ANKRD12: variants seen among roughly 807,000 people sequenced by gnomAD.
The protein encoded by ANKRD12 is ankyrin repeat domain-containing protein 12.
In ANKRD12, 85 loss-of-function variants were observed where a neutral mutation model predicts 183.4. The observed-to-expected ratio is 0.46, with a 90% CI of 0.39 to 0.56. The LOEUF is 0.56. ANKRD12 is among the 20% of genes least tolerant of loss of function. The pLI is 0.00. For missense variants in ANKRD12, 2,405 were observed against 2,357.1 expected, an observed-to-expected ratio of 1.02 and a Z score of -0.42; for synonymous variants, 914 against 800.2, an observed-to-expected ratio of 1.14 and a Z score of -2.40.
intron 5 of ANKRD12, 52 bp downstream of exon 5, chr18:9,208,855 A>G (rs746584558): frequency 3.5e-6 from 5 of 1,422,196 alleles, no homozygotes; most frequent in South Asian, 1.7e-5. Context: ...TCCTCAGGCA[A>G]CTGTAGTCTC....
intron 1 of ANKRD12, among the ~76,000 whole-genome samples, chr18:9,148,327 C>T (rs1022062741): frequency 6.6e-6 from 1 of 151,034 alleles, no homozygotes; most frequent in Admixed American, 6.6e-5. Context: ...TATATATACA[C>T]ACACACGTAT....
intron 1 of ANKRD12, chr18:9,137,240 C>G (rs1429713916): frequency 6.7e-6 from 1 of 148,492 alleles, no homozygotes; most frequent in African/African-American, 2.4e-5. Context: ...GCCGCCCCTC[C>G]CGGCGTCGCG....
At chr18:9,188,229 A>G (rs186372357) in intron 2 of ANKRD12, among the ~76,000 whole-genome samples, 89 of 152,292 alleles carry the variant, frequency 5.8e-4, no homozygotes, top group African/African-American at 1.7e-3. Context: ...GCAGATGACA[A>G]CTGCATATGC....
At position 9,285,419 on chromosome 18, in the gene ANKRD12, T is replaced by A. The variant is rs1369077969; in HGVS notation, c.*4293T>A. The stretch of plus-strand genomic sequence containing the variant: ...CCAGCCTGGGCAACAAGAGTGAAAC[T>A]CTGTCTCCAAAAAAAAAAAAAAAAA... On this transcript the variant is annotated 3_prime_UTR_variant, in exon 13 of 13. Transcript: ENST00000262126. The A allele has an allele frequency of 7.8e-6, 1 of 127,590 alleles. No individual in the cohort carries two copies. The highest frequency in any genetic ancestry group is 1.6e-5 in the Non-Finnish European group (1 of 62,722). The allele number at this position is 127,590 out of a possible 1,614,324, so 7.9% of individuals were successfully genotyped here.
chr18:9,241,448 A>AC (rs1272702212), intron 8 of ANKRD12, among the ~76,000 whole-genome samples: 2 of 152,138 alleles, frequency 1.3e-5, no homozygotes, highest in Non-Finnish European at 2.9e-5. Context: ...CCATTAGTAA[A>AC]CCAAGAACCT....
chr18:9,229,798 C>T (rs1424257797), intron 8 of ANKRD12, among the ~76,000 whole-genome samples: 1 of 152,168 alleles, frequency 6.6e-6, no homozygotes, highest in Non-Finnish European at 1.5e-5. Flanking sequence ...TTGAACCATG[C>T]TTGCATCCCT....
intron 1 of ANKRD12, chr18:9,137,522 C>G (rs1386050888): frequency 1.4e-5 from 2 of 148,024 alleles, no homozygotes; most frequent in Admixed American, 6.7e-5. Flanking sequence ...GCGTTCCCGC[C>G]GCCAGCCGCC....
intron 8 of ANKRD12, among the ~76,000 whole-genome samples, chr18:9,242,395 C>A (rs1305618026): frequency 1.3e-5 from 2 of 151,868 alleles, no homozygotes; most frequent in Admixed American, 6.6e-5. Flanking sequence ...CTAAAACTCT[C>A]CATAAAGGGT....
chr18:9,213,289 G>A (rs182648258), intron 6 of ANKRD12, among the ~76,000 whole-genome samples: 2 of 152,032 alleles, frequency 1.3e-5, no homozygotes, highest in African/African-American at 4.8e-5. Context: ...ACCTTAAAGA[G>A]TGAGACTTAA....
Position 9,182,366 on chromosome 18 carries a change from T to C in ANKRD12, c.-51-16T>C. On this transcript the variant is annotated splice_polypyrimidine_tract_variant and intron_variant, in intron 1 of 12. Coordinates refer to ENST00000262126, the MANE Select transcript of ANKRD12 (RefSeq NM_015208.5). ...TATATATATTCAAATAACCCTTATA[T>C]ATCTATTCTTTACAGATCCAGGATG... 1 of 1,018,318 alleles carries C rather than the reference T, an allele frequency of 9.8e-7. No homozygotes were observed. Among genetic ancestry groups the C allele is most frequent in the Non-Finnish European group, 1.5e-6 (1 of 682,962 alleles). The allele number at this position is 1,018,318 out of a possible 1,614,324, so 63.1% of individuals were successfully genotyped here.
At chr18:9,153,939 T>C (rs1262952759) in intron 1 of ANKRD12, among the ~76,000 whole-genome samples, 2 of 152,298 alleles carry the variant, frequency 1.3e-5, no homozygotes, top group East Asian at 1.9e-4. Context: ...GTATTGGTTC[T>C]TTTTTGTAAC....
chr18:9,151,794 A>G (rs2078694260), intron 1 of ANKRD12, among the ~76,000 whole-genome samples: 1 of 152,190 alleles, frequency 6.6e-6, no homozygotes, highest in African/African-American at 2.4e-5. Context: ...CTTTCTCTAG[A>G]TAGAATACAA....
At chr18:9,203,489 G>A (rs1404506770) in intron 3 of ANKRD12, among the ~76,000 whole-genome samples, 1 of 152,084 alleles carries the variant, frequency 6.6e-6, no homozygotes, top group Non-Finnish European at 1.5e-5. Context: ...ATATTTATAA[G>A]TAAAAATGTC....
chr18:9,279,438 A>G (rs1362065110), intron 11 of ANKRD12, 111 bp from the exon 12 acceptor site: 2 of 670,636 alleles, frequency 3.0e-6, no homozygotes, highest in East Asian at 3.0e-5. Context: ...ATTTCTCAAA[A>G]TATATTTTCA....
In ANKRD12 at chr18:9,254,487, A is replaced by G; in HGVS notation, c.1220A>G (p.Tyr407Cys). 2 of 1,547,496 alleles carry G rather than the reference A, an allele frequency of 1.3e-6. No homozygotes were observed. The highest frequency in any genetic ancestry group is 1.7e-6 in the Non-Finnish European group (2 of 1,153,696). ...TTTGCAAAACAGGAGAAAGCCTTCT[A>G]TCCTAAATCATTTAAAAGTAAAAAA... ...HLFAKQEKAF[Y>C]PKSFKSKKQK... The change falls in exon 9 of 13, where the codon TAT becomes TGT. Residue 407 changes from tyrosine (Y) to cysteine (C), a missense_variant. Coordinates refer to ENST00000262126, the MANE Select transcript of ANKRD12 (RefSeq NM_015208.5).
At position 9,256,571 on chromosome 18, in the gene ANKRD12, A is replaced by G. The variant is rs756334648; in HGVS notation, c.3304A>G (p.Ile1102Val). The G allele has an allele frequency of 1.9e-6, 3 of 1,596,162 alleles. No individual in the cohort carries two copies. Among genetic ancestry groups the G allele is most frequent in the Admixed American group, 3.6e-5 (2 of 55,022 alleles). The change falls in exon 9 of 13, where the codon ATT becomes GTT. Residue 1102 changes from isoleucine (I) to valine (V), a missense_variant. Transcript: ENST00000262126. ...EQWHKKHKEK[I>V]KQKEKERLRN... ...GTGGCACAAAAAACATAAGGAAAAA[A>G]TTAAGCAAAAAGAAAAGGAACGGTT...
chr18:9,205,399 T>TTTA lies in ANKRD12; in HGVS notation c.304+855_304+856insTTA, dbSNP rs1345551488. ...TTAGTTATAAAAACTAAAGTAAACC[T>TTTA]GTTTTATACACTTTTTATTTATTTT... On this transcript the variant is annotated intron_variant, in intron 4 of 12. Transcript: ENST00000262126. Among the ~76,000 whole-genome samples, 21 of 152,130 alleles carry TTTA rather than the reference T, an allele frequency of 1.4e-4. 1 individual carries two copies. The highest frequency in any genetic ancestry group is 1.4e-3 in the Admixed American group (21 of 15,270).
intron 10 of ANKRD12, among the ~76,000 whole-genome samples, chr18:9,270,667 AATG>A (rs1414986598): frequency 3.3e-5 from 5 of 152,164 alleles, no homozygotes; most frequent in Non-Finnish European, 7.4e-5. Flanking sequence ...CCTAATATTA[AATG>A]ATGAGTTCAT....
At chr18:9,172,584 T>C (rs2144012339) in intron 1 of ANKRD12, among the ~76,000 whole-genome samples, 1 of 152,352 alleles carries the variant, frequency 6.6e-6, no homozygotes, top group East Asian at 1.9e-4. Flanking sequence ...TCAGTTATGC[T>C]CCTCTCTAAA....
Sources: gnomAD v4.1 joint callset for allele counts (sites outside exome capture counted in the v4.1 genomes callset) on GRCh38, gnomAD v4.1.1 for gene constraint, MANE v1.5 for transcripts, NCBI Gene and HGNC (gene_info 2026-07-23, HGNC 2026-07-21) for gene names.